The following ARHGAP10 variants were observed in gnomAD, a reference collection of about 807,000 sequenced individuals.
ARHGAP10 encodes rho GTPase-activating protein 10.
Under a neutral mutation model 108.6 loss-of-function variants are expected in ARHGAP10, and 87 were observed. That is an observed-to-expected ratio of 0.80 (90% confidence interval 0.67 to 0.96). The LOEUF (loss-of-function observed/expected upper bound fraction) is 0.96. ARHGAP10 is among the 40% of genes least tolerant of loss of function. The pLI, the probability that ARHGAP10 is intolerant of heterozygous loss-of-function variation, is 0.00. For synonymous variants in ARHGAP10, 347 were observed against 341.1 expected (o/e 1.02, Z -0.19); for missense variants, 939 against 954.5 (o/e 0.98, Z 0.21).
At chr4:147,846,634 G>A (rs1237426528) in intron 3 of ARHGAP10, among the ~76,000 whole-genome samples, 4 of 152,078 alleles carry the variant, frequency 2.6e-5, no homozygotes, top group Non-Finnish European at 5.9e-5. Context: ...TGACTTTTTC[G>A]TGAGCCTCCA....
At position 148,023,243 on chromosome 4, in the gene ARHGAP10, C is replaced by A; in HGVS notation, c.1717-20C>A. 1 of 1,613,514 alleles carries A rather than the reference C, an allele frequency of 6.2e-7. No homozygotes were observed. The highest frequency in any genetic ancestry group is 8.5e-7 in the Non-Finnish European group (1 of 1,179,642). ...TCTGTTCATGGTAAATAATTCCTGTCCTTTATGCTTTGTTGGAAGATTTTT... is the reference window on the plus strand; with the variant it reads ...TCTGTTCATGGTAAATAATTCCTGTACTTTATGCTTTGTTGGAAGATTTTT... On this transcript the variant is annotated intron_variant, in intron 18 of 22. Coordinates refer to ENST00000336498, the MANE Select transcript of ARHGAP10 (RefSeq NM_024605.4).
intron 1 of ARHGAP10, among the ~76,000 whole-genome samples, chr4:147,761,217 A>T (rs1030423385): frequency 6.6e-6 from 1 of 152,018 alleles, no homozygotes; most frequent in Middle Eastern, 3.4e-3. Context: ...GGGTCTTGCT[A>T]TGTTACCCAT....
intron 13 of ARHGAP10, among the ~76,000 whole-genome samples, chr4:147,918,172 G>A (rs2126929301): frequency 8.1e-6 from 1 of 122,834 alleles, no homozygotes; most frequent in East Asian, 2.5e-4. Flanking sequence ...GTCTTGCTCT[G>A]TGGCCTAGGC....
chr4:147,997,235 A>G (rs1027171008), intron 18 of ARHGAP10, among the ~76,000 whole-genome samples: 1 of 152,252 alleles, frequency 6.6e-6, no homozygotes, highest in South Asian at 2.1e-4. Flanking sequence ...GGAATCTACA[A>G]ACGTATTGCA....
chr4:148,059,082 A>G (rs1446360658), intron 20 of ARHGAP10, among the ~76,000 whole-genome samples: 1 of 152,204 alleles, frequency 6.6e-6, no homozygotes, highest in Non-Finnish European at 1.5e-5. Flanking sequence ...TTTTAGTGAA[A>G]CACTCTTGTT....
At chr4:147,868,534 C>G (rs1156510887) in intron 7 of ARHGAP10, among the ~76,000 whole-genome samples, 1 of 152,170 alleles carries the variant, frequency 6.6e-6, no homozygotes, top group Admixed American at 6.5e-5. Flanking sequence ...CCATGCCTGG[C>G]TGATGTTGAG....
At chr4:147,980,363 A>G (rs959433181) in intron 18 of ARHGAP10, among the ~76,000 whole-genome samples, 1 of 152,204 alleles carries the variant, frequency 6.6e-6, no homozygotes, top group Non-Finnish European at 1.5e-5. Flanking sequence ...TAGATGAACC[A>G]CTGCTACATC....
intron 1 of ARHGAP10, among the ~76,000 whole-genome samples, chr4:147,747,154 C>CT (rs780059746): frequency 4.5e-4 from 65 of 145,716 alleles, no homozygotes; most frequent in Middle Eastern, 3.6e-3. Context: ...GGTCCTTCAT[C>CT]TTTTTTTTTT....
intron 20 of ARHGAP10, among the ~76,000 whole-genome samples, chr4:148,055,116 CT>C (rs1175043974): frequency 6.6e-6 from 1 of 152,230 alleles, no homozygotes; most frequent in African/African-American, 2.4e-5. Flanking sequence ...AAGGAGAACT[CT>C]TTGAGTGGAA....
At chr4:148,016,225 T>C (rs547213889) in intron 18 of ARHGAP10, among the ~76,000 whole-genome samples, 2 of 152,310 alleles carry the variant, frequency 1.3e-5, no homozygotes, top group East Asian at 3.9e-4. Context: ...TTACTGGAGC[T>C]GGATGCAGTG....
At chr4:148,038,938 G>GT (rs1728499361) in intron 19 of ARHGAP10, among the ~76,000 whole-genome samples, 2 of 151,814 alleles carry the variant, frequency 1.3e-5, no homozygotes, top group South Asian at 4.1e-4. Context: ...TGGTGCCTTT[G>GT]TTTTGAAACT....
chr4:147,937,483 A>G (rs1178921458), intron 13 of ARHGAP10, among the ~76,000 whole-genome samples: 1 of 152,196 alleles, frequency 6.6e-6, no homozygotes, highest in African/African-American at 2.4e-5. Flanking sequence ...TTCAGCCTAT[A>G]ACAGAAGGAA....
intron 10 of ARHGAP10, among the ~76,000 whole-genome samples, chr4:147,904,716 A>G (rs369952929): frequency 6.6e-6 from 1 of 152,146 alleles, no homozygotes; most frequent in African/African-American, 2.4e-5. Context: ...CTTTATAGCA[A>G]CATGATTTAT....
At chr4:148,046,041 G>C (rs888462148) in intron 19 of ARHGAP10, among the ~76,000 whole-genome samples, 2 of 152,230 alleles carry the variant, frequency 1.3e-5, no homozygotes, top group African/African-American at 4.8e-5. Flanking sequence ...AATGGGGACT[G>C]AGGATTAGGC....
intron 13 of ARHGAP10, among the ~76,000 whole-genome samples, chr4:147,924,401 C>T (rs1737371302): frequency 6.6e-6 from 1 of 152,110 alleles, no homozygotes; most frequent in Admixed American, 6.5e-5. Context: ...ATACGTTTTC[C>T]TCCTCTTTAA....
At chr4:147,843,027 T>C (rs998431441) in intron 3 of ARHGAP10, among the ~76,000 whole-genome samples, 1 of 152,234 alleles carries the variant, frequency 6.6e-6, no homozygotes, top group African/African-American at 2.4e-5. Flanking sequence ...GCAAGTGACC[T>C]TGTTTTGTAC....
At chr4:148,067,056 A>G (rs1479658056) in intron 22 of ARHGAP10, among the ~76,000 whole-genome samples, 1 of 152,124 alleles carries the variant, frequency 6.6e-6, no homozygotes, top group Admixed American at 6.5e-5. Context: ...CCCTCCCCTA[A>G]GGCTGGCTAC....
intron 13 of ARHGAP10, among the ~76,000 whole-genome samples, chr4:147,920,695 A>C: frequency 6.6e-6 from 1 of 152,228 alleles, no homozygotes; most frequent in Non-Finnish European, 1.5e-5. Context: ...AAGTAATTGA[A>C]GTGTACCAGA....
At chr4:147,794,026 T>G (rs1731222630) in intron 1 of ARHGAP10, among the ~76,000 whole-genome samples, 1 of 152,220 alleles carries the variant, frequency 6.6e-6, no homozygotes, top group Non-Finnish European at 1.5e-5. Context: ...AGTGATTGAG[T>G]AGCCTGCTGT....
Sources: gnomAD v4.1 joint callset for allele counts (sites outside exome capture counted in the v4.1 genomes callset) on GRCh38, gnomAD v4.1.1 for gene constraint, MANE v1.5 for transcripts, NCBI Gene and HGNC (gene_info 2026-07-23, HGNC 2026-07-21) for gene names.